Variants in STXBP5L observed in about 807,000 individuals in gnomAD.
STXBP5L encodes syntaxin binding protein 5L.
STXBP5L carries 65 observed loss-of-function variants against 144.5 expected under a neutral mutation model. The ratio of observed to expected loss-of-function variants is 0.45; its 90% CI spans 0.37 to 0.55. The LOEUF is 0.55. Among genes scored for constraint, STXBP5L ranks in the 20% least tolerant of loss-of-function variants. STXBP5L has a pLI of 0.00. For synonymous variants in STXBP5L, 505 were observed against 469.6 expected (o/e 1.08, Z -0.97); for missense variants, 1,298 against 1,405.5 (o/e 0.92, Z 1.22).
At chr3:121,028,745 A>C (rs1192343944) in intron 3 of STXBP5L, among the ~76,000 whole-genome samples, 1 of 152,118 alleles carries the variant, frequency 6.6e-6, no homozygotes, top group East Asian at 1.9e-4. Context: ...TAATCAGTGC[A>C]GTGGCTATAT....
chr3:121,371,314 T>G (rs913811497), intron 20 of STXBP5L, among the ~76,000 whole-genome samples: 1 of 152,212 alleles, frequency 6.6e-6, no homozygotes, highest in East Asian at 1.9e-4. Context: ...ACTGCAAGCT[T>G]TAACTCTTGA....
At chr3:121,416,402 A>G (rs557304362) in intron 25 of STXBP5L, among the ~76,000 whole-genome samples, 13 of 150,614 alleles carry the variant, frequency 8.6e-5, no homozygotes, top group African/African-American at 3.1e-4. Flanking sequence ...TACTTTAAAA[A>G]TCTACCAGTG....
intron 3 of STXBP5L, among the ~76,000 whole-genome samples, chr3:120,976,456 T>C (rs1941029587): frequency 6.6e-6 from 1 of 152,208 alleles, no homozygotes; most frequent in African/African-American, 2.4e-5. Context: ...GTAGTCTTGC[T>C]AGCAGTGTAT....
intron 7 of STXBP5L, among the ~76,000 whole-genome samples, chr3:121,131,682 T>C (rs1218500443): frequency 6.6e-6 from 1 of 151,992 alleles, no homozygotes; most frequent in African/African-American, 2.4e-5. Context: ...ATTATAAGAG[T>C]GATAACTAAA....
At chr3:120,997,605 C>A (rs1943451452) in intron 3 of STXBP5L, among the ~76,000 whole-genome samples, 1 of 152,026 alleles carries the variant, frequency 6.6e-6, no homozygotes, top group African/African-American at 2.4e-5. Flanking sequence ...ATGTCCTTTG[C>A]CCAATTTTTA....
chr3:121,195,097 T>G (rs1489317188), intron 9 of STXBP5L, among the ~76,000 whole-genome samples: 1 of 151,790 alleles, frequency 6.6e-6, no homozygotes, highest in Non-Finnish European at 1.5e-5. Context: ...TGTATTTTTT[T>G]TAATACAAAA....
At chr3:121,003,321 T>G (rs1168734429) in intron 3 of STXBP5L, among the ~76,000 whole-genome samples, 1 of 152,228 alleles carries the variant, frequency 6.6e-6, no homozygotes, top group Non-Finnish European at 1.5e-5. Flanking sequence ...GATGAGCATT[T>G]TTTCATGTGT....
At chr3:121,190,575 T>C (rs563621064) in intron 9 of STXBP5L, among the ~76,000 whole-genome samples, 3 of 152,294 alleles carry the variant, frequency 2.0e-5, no homozygotes, top group African/African-American at 7.2e-5. Flanking sequence ...TGGGTACACC[T>C]CCCAGATGGG....
At chr3:121,394,602 GT>G (rs373859677) in intron 22 of STXBP5L, among the ~76,000 whole-genome samples, 9,814 of 99,430 alleles carry the variant, frequency 0.099, 128 homozygotes, top group African/African-American at 0.16. Flanking sequence ...TTTGTTGAGG[GT>G]TTTTTTTTTT....
intron 15 of STXBP5L, among the ~76,000 whole-genome samples, chr3:121,252,731 A>T (rs983878246): frequency 6.6e-6 from 1 of 152,214 alleles, no homozygotes; most frequent in African/African-American, 2.4e-5. Flanking sequence ...CCACAATTTA[A>T]CAACTTAAAA....
At chr3:121,392,282 C>T (rs545989684) in intron 22 of STXBP5L, among the ~76,000 whole-genome samples, 12 of 152,260 alleles carry the variant, frequency 7.9e-5, no homozygotes, top group Non-Finnish European at 1.5e-4. Flanking sequence ...GGCAGGAGTG[C>T]CCTGTTTTTC....
rs1948262465 is a variant in STXBP5L at position 121,054,188 on chromosome 3, C to T, written c.470+8653C>T. On this transcript the variant is annotated intron_variant, in intron 5 of 26. Coordinates refer to ENST00000471454, the MANE Select transcript of STXBP5L (RefSeq NM_001308330.2). ...CATTGTGGAAGTCAGTGTGGCGATT[C>T]CTCAGGGATCTAGAACTAGAAATAC... Among the ~76,000 whole-genome samples, 7 of 152,124 alleles carry T rather than the reference C, an allele frequency of 4.6e-5. No individual in the cohort carries two copies. In the South Asian group the frequency reaches 1.4e-3, roughly 31 times the overall value.
At chr3:120,966,241 G>C (rs1423121310) in intron 3 of STXBP5L, among the ~76,000 whole-genome samples, 2 of 152,100 alleles carry the variant, frequency 1.3e-5, no homozygotes, top group Non-Finnish European at 2.9e-5. Flanking sequence ...CTTTAGCTCG[G>C]AGAAGTTTGT....
At chr3:121,177,083 A>G (rs1390196813) in intron 9 of STXBP5L, among the ~76,000 whole-genome samples, 1 of 151,990 alleles carries the variant, frequency 6.6e-6, no homozygotes, top group Non-Finnish European at 1.5e-5. Flanking sequence ...TGCAAAAACT[A>G]GATCATTTAT....
At chr3:121,171,037 A>G (rs2046692915) in intron 9 of STXBP5L, among the ~76,000 whole-genome samples, 1 of 152,244 alleles carries the variant, frequency 6.6e-6, no homozygotes, top group African/African-American at 2.4e-5. Context: ...CTGGTTCAAC[A>G]TATGCAAATC....
chr3:121,015,126 A>G (rs887531216), intron 3 of STXBP5L, among the ~76,000 whole-genome samples: 2 of 152,170 alleles, frequency 1.3e-5, no homozygotes, highest in Non-Finnish European at 2.9e-5. Context: ...TCATGATCTC[A>G]GCATGGTTTG....
In STXBP5L at chr3:121,142,596, A is replaced by C. The variant is rs1427136026; in HGVS notation, c.670-9881A>C. On this transcript the variant is annotated intron_variant, in intron 7 of 26. Transcript: ENST00000471454. Reference sequence around the variant, plus strand: ...TAATAAAACTAGAAATCAATAGTGGAAGAAAACTCCAAAATGTATAAATAT... The same window carrying C: ...TAATAAAACTAGAAATCAATAGTGGCAGAAAACTCCAAAATGTATAAATAT... Among the ~76,000 whole-genome samples the C allele has an allele frequency of 6.6e-5, 10 of 152,116 alleles. No homozygotes were observed. The East Asian group carries it at 1.7e-3, about 26-fold the overall frequency.
chr3:121,084,494 A>G (rs1358479925), intron 5 of STXBP5L, among the ~76,000 whole-genome samples: 2 of 152,102 alleles, frequency 1.3e-5, no homozygotes, highest in Non-Finnish European at 2.9e-5. Context: ...GGCTGATGAT[A>G]ATGGCTTCGA....
intron 20 of STXBP5L, among the ~76,000 whole-genome samples, chr3:121,335,262 A>T (rs1157481795): frequency 1.3e-5 from 2 of 152,158 alleles, no homozygotes; most frequent in African/African-American, 4.8e-5. Context: ...AAGGTGAAAG[A>T]TCTCTACAAT....
Sources: gnomAD v4.1 joint callset for allele counts (sites outside exome capture counted in the v4.1 genomes callset) on GRCh38, gnomAD v4.1.1 for gene constraint, MANE v1.5 for transcripts, NCBI Gene and HGNC (gene_info 2026-07-23, HGNC 2026-07-21) for gene names.